Variants in CWF19L2 observed in about 807,000 individuals in gnomAD.
CWF19L2 encodes the protein CWF19 like cell cycle control factor 2, also known as CWF19-like protein 2.
CWF19L2 carries 98 observed loss-of-function variants against 111.7 expected under a neutral mutation model. The observed-to-expected ratio is 0.88, with a 90% CI of 0.75 to 1.04. CWF19L2 has a LOEUF of 1.04. Ranked by LOEUF, CWF19L2 falls within the 50% of genes least tolerant of loss-of-function variation. CWF19L2 has a pLI of 0.00. For missense variants in CWF19L2, 1,101 were observed against 1,051.4 expected, an observed-to-expected ratio of 1.05 and a Z score of -0.65; for synonymous variants, 351 against 342.9, an observed-to-expected ratio of 1.02 and a Z score of -0.26.
At chr11:107,414,218 G>A (rs899804499) in intron 10 of CWF19L2, among the ~76,000 whole-genome samples, 1 of 151,950 alleles carries the variant, frequency 6.6e-6, no homozygotes, top group African/African-American at 2.4e-5. Flanking sequence ...TTTAGAGACA[G>A]GGTCTCACTC....
At chr11:107,421,404 G>A (rs114135583) in intron 8 of CWF19L2, among the ~76,000 whole-genome samples, 2,449 of 151,986 alleles carry the variant, frequency 0.016, 74 homozygotes, top group African/African-American at 0.056. Context: ...AAAAATCAGA[G>A]TAAAATAAAT....
rs1259144153 is a variant in CWF19L2 at position 107,371,793 on chromosome 11, A to G, written c.1873-18057T>C. Among the ~76,000 whole-genome samples, 2 of 136,960 alleles carry G rather than the reference A, an allele frequency of 1.5e-5. 1 individual carries two copies. Among genetic ancestry groups the G allele is most frequent in the Non-Finnish European group, 3.1e-5 (2 of 64,192 alleles). 89.9% of individuals were successfully genotyped at this position (136,960 alleles called of 152,430 possible). On this transcript the variant is annotated intron_variant, in intron 12 of 17. Transcript: ENST00000282251. Reference sequence around the variant, plus strand: ...TCTCCGCAGCTCGGTCATTGCTGTCACCATTCTGACATTCTTAAAAAGTGA... The same window carrying G: ...TCTCCGCAGCTCGGTCATTGCTGTCGCCATTCTGACATTCTTAAAAAGTGA...
intron 10 of CWF19L2, chr11:107,403,883 TGAA>T: frequency 5.0e-6 from 4 of 796,376 alleles, no homozygotes; most frequent in South Asian, 4.2e-5. Flanking sequence ...CTCCTGTATT[TGAA>T]GAAGTTCAGC....
intron 15 of CWF19L2, among the ~76,000 whole-genome samples, chr11:107,335,814 C>G (rs1859914680): frequency 6.6e-6 from 1 of 152,066 alleles, no homozygotes; most frequent in Non-Finnish European, 1.5e-5. Context: ...CAAATAAGTT[C>G]TATTTAAATA....
At chr11:107,442,696 AAGAGAGAAAG>A (rs1861634918) in intron 4 of CWF19L2, among the ~76,000 whole-genome samples, 1 of 133,472 alleles carries the variant, frequency 7.5e-6, no homozygotes, top group African/African-American at 2.8e-5. Context: ...AAATGAATGA[AAGAGAGAAAG>A]AGAGAGAGAG....
intron 14 of CWF19L2, 63 bp from the exon 15 acceptor site, chr11:107,336,776 C>A: frequency 1.1e-6 from 1 of 881,366 alleles, no homozygotes; most frequent in South Asian, 2.0e-5. Flanking sequence ...CAAGCATATT[C>A]AAGATATTTG....
chr11:107,438,544 C>T (rs1204833164), intron 6 of CWF19L2, among the ~76,000 whole-genome samples: 1 of 152,068 alleles, frequency 6.6e-6, no homozygotes, highest in Non-Finnish European at 1.5e-5. Context: ...TAGAATCATA[C>T]TTTGTATTAA....
intron 5 of CWF19L2, among the ~76,000 whole-genome samples, chr11:107,439,879 T>G (rs1213284538): frequency 6.6e-6 from 1 of 152,170 alleles, no homozygotes; most frequent in Non-Finnish European, 1.5e-5. Flanking sequence ...ATCAGCTTCA[T>G]ATCACACAAA....
chr11:107,355,914 C>T (rs1424200130), intron 12 of CWF19L2, among the ~76,000 whole-genome samples: 1 of 152,120 alleles, frequency 6.6e-6, no homozygotes, highest in Non-Finnish European at 1.5e-5. Flanking sequence ...TTCCACCCAA[C>T]AGCGCAAAAT....
intron 14 of CWF19L2, among the ~76,000 whole-genome samples, chr11:107,343,404 A>G (rs1053481038): frequency 4.6e-5 from 7 of 151,874 alleles, no homozygotes; most frequent in African/African-American, 1.7e-4. Flanking sequence ...TCTAACGTCT[A>G]CTTTATCTGG....
intron 10 of CWF19L2, chr11:107,404,355 T>C: frequency 1.3e-6 from 1 of 791,136 alleles, no homozygotes; most frequent in Non-Finnish European, 2.3e-6. Context: ...TCCCAGACCT[T>C]TCAGCTGTAC....
chr11:107,339,934 C>A (rs2134530094), intron 14 of CWF19L2, among the ~76,000 whole-genome samples: 1 of 152,214 alleles, frequency 6.6e-6, no homozygotes, highest in Admixed American at 6.5e-5. Flanking sequence ...TCCCAAAGTC[C>A]TGAGATTACA....
intron 3 of CWF19L2, among the ~76,000 whole-genome samples, chr11:107,446,291 A>G (rs531778220): frequency 6.6e-6 from 1 of 152,278 alleles, no homozygotes; most frequent in African/African-American, 2.4e-5. Flanking sequence ...AGTACTATCA[A>G]ATTGCTTATA....
At chr11:107,392,431 T>C (rs1234739220) in intron 11 of CWF19L2, among the ~76,000 whole-genome samples, 2 of 152,144 alleles carry the variant, frequency 1.3e-5, no homozygotes, top group African/African-American at 4.8e-5. Context: ...TCAAGTTAGC[T>C]GTCTAACACT....
At chr11:107,401,006 AATCCAGC>A in intron 10 of CWF19L2, among the ~76,000 whole-genome samples, 1 of 152,344 alleles carries the variant, frequency 6.6e-6, no homozygotes, top group Non-Finnish European at 1.5e-5. Context: ...CATTTGACAA[AATCCAGC>A]ATCCCTATAT....
Position 107,457,762 on chromosome 11 carries a change from C to G in CWF19L2, c.55G>C (p.Glu19Gln). 1 of 1,551,750 alleles carries G rather than the reference C, an allele frequency of 6.4e-7. No homozygotes were observed. Among genetic ancestry groups the G allele is most frequent in the Non-Finnish European group, 8.7e-7 (1 of 1,146,988 alleles). ...TTCCGGGTCTGTTCTTTCCGCTCTT[C>G]GATACTCTTCGCACTTTCAAATCTA... ...SGRFESAKSI[E>Q]ERKEQTRNAR... is the part of the protein sequence containing the mutation. The change falls in exon 1 of 18, where the codon GAA (glutamate) becomes CAA (glutamine). Residue 19 changes from glutamate (E) to glutamine (Q), a missense_variant. Transcript: ENST00000282251.
At chr11:107,396,814 T>G (rs1048347694) in intron 10 of CWF19L2, among the ~76,000 whole-genome samples, 1 of 152,168 alleles carries the variant, frequency 6.6e-6, no homozygotes, top group Admixed American at 6.5e-5. Context: ...CTGCTACTCC[T>G]GCAGGACCCA....
chr11:107,360,948 T>G (rs190291682), intron 12 of CWF19L2, among the ~76,000 whole-genome samples: 541 of 152,238 alleles, frequency 3.6e-3, no homozygotes, highest in African/African-American at 0.012. Context: ...TCATAAAGCT[T>G]TTTAGTTTAA....
At chr11:107,369,016 A>C (rs989627042) in intron 12 of CWF19L2, among the ~76,000 whole-genome samples, 1 of 137,358 alleles carries the variant, frequency 7.3e-6, no homozygotes, top group African/African-American at 2.9e-5. Context: ...AAAATGGATA[A>C]ATTCCTGGAA....
Sources: allele counts gnomAD v4.1 joint callset (sites outside exome capture counted in the v4.1 genomes callset), GRCh38; gene constraint gnomAD v4.1.1; transcripts MANE v1.5; gene names NCBI Gene and HGNC (gene_info 2026-07-23, HGNC 2026-07-21).